Variants in RSF1 observed in about 807,000 individuals in gnomAD.
RSF1 encodes HBV pX-associated protein 8.
Under a neutral mutation model 145.2 loss-of-function variants are expected in RSF1, and 13 were observed. That is an observed-to-expected ratio of 0.09 (90% CI 0.06 to 0.14). The LOEUF (loss-of-function observed/expected upper bound fraction) is 0.14. Ranked by LOEUF, RSF1 falls within the 10% of genes least tolerant of loss-of-function variation. The pLI is 1.00. For missense variants in RSF1, 1,517 were observed against 1,718.2 expected (o/e 0.88, Z 2.07); for synonymous variants, 577 against 592.6 (o/e 0.97, Z 0.38).
rs1026583478 is a variant in RSF1, at chr11:77,663,481, A to G, written c.*3436T>C. On this transcript the variant is annotated 3_prime_UTR_variant, in exon 16 of 16. Transcript: ENST00000308488. ...AAAATTATTTTTCAAAAGCTTCATT[A>G]GCATTTAAAGTTTTTGGTTCTTGGG... 1 of 152,218 alleles carries G rather than the reference A, an allele frequency of 6.6e-6. No homozygotes were observed. The highest frequency in any genetic ancestry group is 2.4e-5 in the African/African-American group (1 of 41,456). 9.4% of individuals were successfully genotyped at this position (152,218 alleles called of 1,614,324 possible).
rs892235479 is a variant in RSF1, at chr11:77,664,991, G to C, written c.*1926C>G. On this transcript the variant is annotated 3_prime_UTR_variant, in exon 16 of 16. Transcript: ENST00000308488. ...CTTTCATTATTTTATTTTTTATACAGATACATACACATTGCTAGAATCAAA... is the reference window on the plus strand; with the variant it reads ...CTTTCATTATTTTATTTTTTATACACATACATACACATTGCTAGAATCAAA... The C allele has an allele frequency of 6.6e-6, 1 of 152,008 alleles. No homozygotes were observed. Among genetic ancestry groups the C allele is most frequent in the Admixed American group, 6.6e-5 (1 of 15,250 alleles). The allele number at this position is 152,008 out of a possible 1,614,324, so 9.4% of individuals were successfully genotyped here. A position where few individuals can be genotyped will look rare whatever the true frequency, so the allele number is the denominator to read the frequency against.
At chr11:77,863,146 C>T in the RSF1 span, among the ~76,000 whole-genome samples, 3 of 152,070 alleles carry the variant, frequency 2.0e-5, no homozygotes, top group African/African-American at 7.2e-5. Context: ...TATCAGAAGC[C>T]GTGGGTCACG....
intron 3 of RSF1, among the ~76,000 whole-genome samples, chr11:77,743,232 T>C (rs1237315059): frequency 6.6e-6 from 1 of 152,234 alleles, no homozygotes; most frequent in Admixed American, 6.5e-5. Context: ...GTTCCTGTGG[T>C]TCCATATGAA....
intron 3 of RSF1, 57 bp downstream of exon 3, chr11:77,746,979 G>C: frequency 1.9e-6 from 2 of 1,068,152 alleles, no homozygotes; most frequent in Non-Finnish European, 2.8e-6. Context: ...AATTTAACCA[G>C]GAGTCAAAAG....
intron 2 of RSF1, chr11:77,762,645 G>A (rs1401705599): frequency 6.6e-6 from 1 of 152,162 alleles, no homozygotes; most frequent in Non-Finnish European, 1.5e-5. Flanking sequence ...ACAAATAGAT[G>A]CCAATGCTGA....
In RSF1 at chr11:77,784,524, C is replaced by A. The variant is rs113696206; in HGVS notation, c.188-19835G>T. On this transcript the variant is annotated intron_variant, in intron 1 of 15. Transcript: ENST00000308488. The stretch of plus-strand genomic sequence containing the variant: ...TAAGAGTTAGACCAGTTTCTCAGCA[C>A]AGCTAGTAATTTGAGCCATATTGAG... 3.4e-3 allele frequency among the ~76,000 whole-genome samples: 513 copies of A among 152,100 alleles called. 2 individuals are homozygous for A. The highest frequency in any genetic ancestry group is 6.0e-3 in the Non-Finnish European group (408 of 68,016).
At position 77,675,176 on chromosome 11, in the gene RSF1, G is replaced by C. The variant is rs1959667915; in HGVS notation, c.3422C>G (p.Thr1141Ser). Residue 1141 changes from threonine (T) to serine (S), a missense_variant, in exon 14 of 16, where the codon ACT (threonine) becomes AGT (serine). Around this residue, in one of 12 missense-constraint regions of RSF1, gnomAD observed 231 missense variants for 276.6 expected, o/e 0.84. Transcript: ENST00000308488. ...CCTCAGTCTACGGCTACAAAAGTCA[G>C]TGTCACTGTCATCATTAGATGGCGG... The part of the protein sequence containing the change: ...EDPPSNDDSD[T>S]DFCSRRLRRH... 6.2e-6 allele frequency: 10 copies of C among 1,614,024 alleles called. No homozygotes were observed. Among genetic ancestry groups the C allele is most frequent in the Non-Finnish European group, 6.8e-6 (8 of 1,180,034 alleles).
At chr11:77,698,306 T>C (rs1274383377) in intron 7 of RSF1, among the ~76,000 whole-genome samples, 181 bp downstream of exon 7, 1 of 152,140 alleles carries the variant, frequency 6.6e-6, no homozygotes, top group Non-Finnish European at 1.5e-5. Flanking sequence ...GAAAGTAGGA[T>C]CTTGATCACT....
At chr11:77,691,270 A>G in intron 8 of RSF1, 32 bp from the exon 9 acceptor site, 1 of 1,597,860 alleles carries the variant, frequency 6.3e-7, no homozygotes, top group South Asian at 1.1e-5. Context: ...AAGTCATTTT[A>G]AACAACTTTT....
chr11:77,833,486 A>G, the RSF1 span, among the ~76,000 whole-genome samples: 2 of 152,124 alleles, frequency 1.3e-5, no homozygotes, highest in Non-Finnish European at 2.9e-5. Context: ...CAGGAGGTAG[A>G]GCTCGGGCAG....
At chr11:77,822,986 C>T (rs1236449599), upstream of RSF1, among the ~76,000 whole-genome samples, 1 of 151,980 alleles carries the variant, frequency 6.6e-6, no homozygotes, top group Non-Finnish European at 1.5e-5. Flanking sequence ...GAGGTCGAGA[C>T]GGGCGGGTCA....
chr11:77,724,446 C>G (rs759497609), intron 5 of RSF1, among the ~76,000 whole-genome samples: 3 of 152,134 alleles, frequency 2.0e-5, no homozygotes, highest in Non-Finnish European at 4.4e-5. Flanking sequence ...TTATTCACAA[C>G]GTCCAAAAGG....
At chr11:77,769,612 TGGTG>T (rs781100951) in intron 1 of RSF1, among the ~76,000 whole-genome samples, 50 of 152,312 alleles carry the variant, frequency 3.3e-4, no homozygotes, top group South Asian at 8.3e-4. Flanking sequence ...AGCAGAAAAG[TGGTG>T]GAATCCCAGA....
chr11:77,735,169 C>G, intron 4 of RSF1: 1 of 699,268 alleles, frequency 1.4e-6, no homozygotes, highest in Non-Finnish European at 2.6e-6. Flanking sequence ...GGGGGACGAG[C>G]ACCGGGTTCC....
At chr11:77,857,699 GTTT>G in the RSF1 span, among the ~76,000 whole-genome samples, 2 of 137,692 alleles carry the variant, frequency 1.5e-5, no homozygotes. Context: ...CAACTAAGTT[GTTT>G]TTTTTTTTTT....
At chr11:77,864,556 A>C in the RSF1 span, among the ~76,000 whole-genome samples, 1 of 152,380 alleles carries the variant, frequency 6.6e-6, no homozygotes, top group African/African-American at 2.4e-5. Flanking sequence ...TGTGGTTCTA[A>C]ACACTAGAAA....
intron 1 of RSF1, among the ~76,000 whole-genome samples, chr11:77,805,077 A>G (rs2135981759): frequency 6.6e-6 from 1 of 152,290 alleles, no homozygotes; most frequent in East Asian, 1.9e-4. Context: ...TTGTGGGGAG[A>G]AAGGAACAAA....
intron 1 of RSF1, among the ~76,000 whole-genome samples, chr11:77,801,511 G>A (rs1194431440): frequency 6.6e-6 from 1 of 152,170 alleles, no homozygotes; most frequent in Admixed American, 6.6e-5. Context: ...ATTCCTGAGT[G>A]ATAGGGCACT....
At chr11:77,681,754 T>C (rs930277257) in intron 11 of RSF1, among the ~76,000 whole-genome samples, 1 of 152,236 alleles carries the variant, frequency 6.6e-6, no homozygotes, top group African/African-American at 2.4e-5. Context: ...ATGTTATACT[T>C]TTCTGATTTC....
Sources: allele counts gnomAD v4.1 joint callset (sites outside exome capture counted in the v4.1 genomes callset), GRCh38; gene constraint gnomAD v4.1.1; regional missense constraint gnomAD v4.1.1; transcripts MANE v1.5; gene names NCBI Gene and HGNC (gene_info 2026-07-23, HGNC 2026-07-21).